Variants in TBCD observed in about 807,000 individuals in gnomAD.
TBCD encodes the protein tubulin-specific chaperone D.
TBCD carries 105 observed loss-of-function variants against 169.3 expected under a neutral mutation model. The observed-to-expected ratio is 0.62, with a 90% CI of 0.53 to 0.73. The LOEUF (loss-of-function observed/expected upper bound fraction) is 0.73, where lower values mean the gene tolerates loss of function less well. Ranked by LOEUF, TBCD falls within the 30% of genes least tolerant of loss-of-function variation. The probability of loss-of-function intolerance (pLI) is 0.00; values close to 1 mark genes in which losing one functional copy is unlikely to be tolerated. For synonymous variants in TBCD, 700 were observed against 643.9 expected (o/e 1.09, Z -1.32); for missense variants, 1,444 against 1,600.1 (o/e 0.90, Z 1.66).
Position 82,938,170 on chromosome 17 carries a change from G to A in TBCD, c.3369+34G>A, listed in dbSNP as rs563319613. On this transcript the variant is annotated intron_variant, in intron 36 of 38. Coordinates refer to ENST00000355528, the MANE Select transcript of TBCD (RefSeq NM_005993.5). ...CTGCCCCTGCTCACGTGTGTTTGCC[G>A]TGTGGACACAAGCCCCTCAGTGACA... 87 of 1,592,990 alleles carry A rather than the reference G, an allele frequency of 5.5e-5. 1 individual carries two copies. In the East Asian group the frequency reaches 1.3e-3, roughly 23 times the overall value.
At chr17:82,854,854 C>T (rs966428295) in intron 13 of TBCD, among the ~76,000 whole-genome samples, 29 of 152,196 alleles carry the variant, frequency 1.9e-4, no homozygotes, top group African/African-American at 7.0e-4. Flanking sequence ...GCAGTGGACA[C>T]AAGCCACTTA....
chr17:82,781,797 C>T (rs2048965001), intron 7 of TBCD, 76 bp downstream of exon 7: 1 of 1,572,824 alleles, frequency 6.4e-7, no homozygotes, highest in Non-Finnish European at 8.6e-7. Flanking sequence ...ATGATGTTAC[C>T]TGTGATTCCA....
chr17:82,801,810 G>A (rs1228164654), intron 9 of TBCD, among the ~76,000 whole-genome samples: 5 of 144,686 alleles, frequency 3.5e-5, no homozygotes. Flanking sequence ...CTCGGAGTCA[G>A]CGTGGCAGGA....
At chr17:82,926,961 G>T in intron 28 of TBCD, 1 of 614,220 alleles carries the variant, frequency 1.6e-6, no homozygotes, top group South Asian at 2.1e-5. Flanking sequence ...CGCAGGGGGC[G>T]TCCCCATCCA....
chr17:82,896,453 GTTTTTTTTTTTTTTT>G (rs1014108505), intron 17 of TBCD, among the ~76,000 whole-genome samples: 1 of 91,426 alleles, frequency 1.1e-5, no homozygotes, highest in Non-Finnish European at 2.0e-5. Context: ...TGTGCTGTCA[GTTTTTTTTTTTTTTT>G]TTTTTTTTTC....
intron 1 of TBCD, among the ~76,000 whole-genome samples, chr17:82,752,590 C>T (rs2047161779): frequency 6.6e-6 from 1 of 152,110 alleles, no homozygotes; most frequent in South Asian, 2.1e-4. Context: ...AGACGCGCGC[C>T]TCCCTTGGGG....
rs1240709920 is a variant in TBCD at position 82,805,880 on chromosome 17, A to G, written c.956A>G (p.Gln319Arg). 1 of 1,608,814 alleles carries G rather than the reference A, an allele frequency of 6.2e-7. No homozygotes were observed. The highest frequency in any genetic ancestry group is 1.1e-5 in the South Asian group (1 of 91,010). The change falls in exon 10 of 39, where the codon CAG becomes CGG. Residue 319 changes from glutamine to arginine, a missense_variant. Gln to Arg is a conservative substitution (Grantham distance 43, BLOSUM62 1). Coordinates refer to ENST00000355528, the MANE Select transcript of TBCD (RefSeq NM_005993.5). ...GGATGCTTTGCTTTGCACAGGTACC[A>G]GCGTGGCTGCCGATCTTTGGCTGCA... ...LKPKVAAWRY[Q>R]RGCRSLAANL... is the part of the protein sequence containing the mutation.
At chr17:82,852,541 G>A (rs554226791) in intron 13 of TBCD, among the ~76,000 whole-genome samples, 1 of 152,114 alleles carries the variant, frequency 6.6e-6, no homozygotes, top group African/African-American at 2.4e-5. Flanking sequence ...CGTGCTCGCC[G>A]TTCGGTCTGT....
At chr17:82,783,350 T>G (rs918547153) in intron 7 of TBCD, among the ~76,000 whole-genome samples, 1 of 152,224 alleles carries the variant, frequency 6.6e-6, no homozygotes, top group African/African-American at 2.4e-5. Context: ...TGTGACAGAT[T>G]CAGCAGTTTT....
intron 14 of TBCD, among the ~76,000 whole-genome samples, chr17:82,882,983 C>T (rs1024442710): frequency 1.2e-4 from 18 of 152,208 alleles, no homozygotes; most frequent in African/African-American, 3.1e-4. Context: ...CCCGCCCTAC[C>T]GGGCTGGAGC....
intron 13 of TBCD, among the ~76,000 whole-genome samples, chr17:82,815,681 C>A (rs1280844213): frequency 6.6e-6 from 1 of 152,212 alleles, no homozygotes; most frequent in South Asian, 2.1e-4. Flanking sequence ...AGTGGGGGCC[C>A]ATCCTGAGAG....
chr17:82,907,174 G>T (rs77689307), intron 20 of TBCD, among the ~76,000 whole-genome samples: 1,858 of 152,366 alleles, frequency 0.012, 21 homozygotes, highest in Admixed American at 0.033. Context: ...GAGCCAGTGA[G>T]GGGGCCTCAT....
chr17:82,848,552 T>A (rs2055351676), intron 13 of TBCD, among the ~76,000 whole-genome samples: 1 of 152,224 alleles, frequency 6.6e-6, no homozygotes, highest in Non-Finnish European at 1.5e-5. Flanking sequence ...GCAACTCATG[T>A]GGCCGCCGTC....
intron 14 of TBCD, among the ~76,000 whole-genome samples, chr17:82,872,110 A>C (rs2057612799): frequency 6.6e-6 from 1 of 152,114 alleles, no homozygotes; most frequent in Non-Finnish European, 1.5e-5. Flanking sequence ...CCAGCGTCTC[A>C]TAGTCTAGAT....
intron 17 of TBCD, among the ~76,000 whole-genome samples, chr17:82,898,537 T>A (rs2059650926): frequency 6.6e-6 from 1 of 152,252 alleles, no homozygotes; most frequent in Non-Finnish European, 1.5e-5. Flanking sequence ...TGTAAACTTT[T>A]TGATGATATT....
intron 14 of TBCD, among the ~76,000 whole-genome samples, chr17:82,876,467 G>A (rs964176901): frequency 6.6e-5 from 10 of 152,184 alleles, no homozygotes; most frequent in South Asian, 2.1e-4. Context: ...CACGTGGGAC[G>A]TTGGGTGTCC....
At chr17:82,929,787 C>T (rs1309045183) in intron 32 of TBCD, 7 of 555,954 alleles carry the variant, frequency 1.3e-5, no homozygotes, top group Non-Finnish European at 2.3e-5. Context: ...TTCAATCCTC[C>T]AGGACCTGTG....
intron 7 of TBCD, among the ~76,000 whole-genome samples, chr17:82,788,442 A>C (rs772608101): frequency 6.6e-6 from 1 of 152,066 alleles, no homozygotes; most frequent in Non-Finnish European, 1.5e-5. Context: ...GCTGTTGACT[A>C]TGAAAGTGGT....
intron 7 of TBCD, among the ~76,000 whole-genome samples, chr17:82,797,204 T>G (rs1271067881): frequency 6.6e-6 from 1 of 152,160 alleles, no homozygotes; most frequent in East Asian, 1.9e-4. Flanking sequence ...GATATTCCTG[T>G]TTGGTCTGAT....
Sources: allele counts gnomAD v4.1 joint callset (sites outside exome capture counted in the v4.1 genomes callset), GRCh38; gene constraint gnomAD v4.1.1; transcripts MANE v1.5; gene names NCBI Gene and HGNC (gene_info 2026-07-23, HGNC 2026-07-21).